Variants in NRXN1 observed in about 807,000 individuals in gnomAD.
NRXN1 encodes neurexin 1.
NRXN1 carries 39 observed loss-of-function variants against 150.9 expected under a neutral mutation model. The ratio of observed to expected loss-of-function variants is 0.26; its 90% CI spans 0.20 to 0.34. NRXN1 has a LOEUF of 0.34. Among genes scored for constraint, NRXN1 ranks in the 10% least tolerant of loss-of-function variants. NRXN1 has a pLI of 1.00. For missense variants in NRXN1, 1,815 were observed against 1,949.9 expected (o/e 0.93, Z 1.30); for synonymous variants, 924 against 757.0 (o/e 1.22, Z -3.62).
At chr2:49,952,808 G>T (rs1363279930) in intron 21 of NRXN1, among the ~76,000 whole-genome samples, 2 of 152,054 alleles carry the variant, frequency 1.3e-5, no homozygotes, top group Non-Finnish European at 2.9e-5. Flanking sequence ...CAATGTAAGT[G>T]CCAATGAGAT....
intron 17 of NRXN1, among the ~76,000 whole-genome samples, chr2:50,243,743 T>A (rs1476464830): frequency 1.3e-5 from 2 of 151,644 alleles, no homozygotes; most frequent in African/African-American, 4.8e-5. Context: ...CAGAGGAGGG[T>A]GAACCAGCTA....
At chr2:50,349,727 A>C (rs1158194524) in intron 17 of NRXN1, among the ~76,000 whole-genome samples, 1 of 152,182 alleles carries the variant, frequency 6.6e-6, no homozygotes, top group African/African-American at 2.4e-5. Context: ...AAATATGTCA[A>C]CTGCTCCCTG....
intron 17 of NRXN1, among the ~76,000 whole-genome samples, chr2:50,354,554 CATATAT>C (rs71404946): frequency 0.031 from 3,136 of 100,102 alleles, 152 homozygotes; most frequent in African/African-American, 0.11. Context: ...AGAGTGCATA[CATATAT>C]ATATATATAT....
intron 22 of NRXN1, among the ~76,000 whole-genome samples, chr2:49,939,523 C>T (rs147447558): frequency 6.6e-6 from 1 of 152,274 alleles, no homozygotes; most frequent in East Asian, 1.9e-4. Context: ...CTGTGCAGGA[C>T]AGTGTGGCTA....
At chr2:50,438,353 C>T (rs545528232) in intron 17 of NRXN1, among the ~76,000 whole-genome samples, 2 of 152,304 alleles carry the variant, frequency 1.3e-5, no homozygotes, top group South Asian at 2.1e-4. Context: ...CTGTAGACAG[C>T]CAAAGCAAAA....
chr2:50,977,703 T>C (rs865969457), intron 2 of NRXN1, among the ~76,000 whole-genome samples: 6 of 151,918 alleles, frequency 3.9e-5, no homozygotes, highest in African/African-American at 9.7e-5. Flanking sequence ...TTTATCTAAG[T>C]TACTTCAATC....
intron 18 of NRXN1, among the ~76,000 whole-genome samples, chr2:50,108,243 G>GCA (rs1358876818): frequency 6.6e-6 from 1 of 151,870 alleles, no homozygotes; most frequent in Admixed American, 6.6e-5. Context: ...ATTAAATGTA[G>GCA]CACACACACA....
At chr2:50,200,230 T>C (rs886122897) in intron 18 of NRXN1, among the ~76,000 whole-genome samples, 2 of 152,198 alleles carry the variant, frequency 1.3e-5, no homozygotes, top group African/African-American at 4.8e-5. Context: ...ATTTGCTGCC[T>C]ACTAGACTTA....
intron 2 of NRXN1, among the ~76,000 whole-genome samples, chr2:50,984,451 A>C (rs1255978999): frequency 6.6e-6 from 1 of 152,026 alleles, no homozygotes; most frequent in Non-Finnish European, 1.5e-5. Context: ...AAAGTTTGCC[A>C]ATCTCCATTT....
At chr2:50,147,301 G>T (rs532296415) in intron 18 of NRXN1, among the ~76,000 whole-genome samples, 1 of 151,748 alleles carries the variant, frequency 6.6e-6, no homozygotes, top group Admixed American at 6.6e-5. Flanking sequence ...ACCTAGGAGA[G>T]AAGGCATATG....
chr2:50,449,089 T>C (rs145227472), intron 17 of NRXN1, among the ~76,000 whole-genome samples: 1 of 152,306 alleles, frequency 6.6e-6, no homozygotes, highest in African/African-American at 2.4e-5. Context: ...ACTGGTGAAT[T>C]CAGACCTTTT....
intron 5 of NRXN1, among the ~76,000 whole-genome samples, chr2:50,628,234 A>G (rs979176060): frequency 1.3e-5 from 2 of 151,844 alleles, no homozygotes; most frequent in East Asian, 1.9e-4. Context: ...TATGTAATAA[A>G]CTTTGAAGTT....
chr2:50,693,590 T>G (rs953561187), intron 5 of NRXN1, among the ~76,000 whole-genome samples: 5 of 152,068 alleles, frequency 3.3e-5, no homozygotes, highest in African/African-American at 1.2e-4. Flanking sequence ...ATACGTTGAA[T>G]CAATGAACTC....
At chr2:50,427,281 A>G (rs1271907296) in intron 17 of NRXN1, among the ~76,000 whole-genome samples, 1 of 151,770 alleles carries the variant, frequency 6.6e-6, no homozygotes, top group Non-Finnish European at 1.5e-5. Flanking sequence ...ATTACTGGCT[A>G]TCTCTTTAGG....
At chr2:50,709,854 C>T (rs1174832025) in intron 5 of NRXN1, among the ~76,000 whole-genome samples, 1 of 152,166 alleles carries the variant, frequency 6.6e-6, no homozygotes, top group Non-Finnish European at 1.5e-5. Context: ...CATATCAGAA[C>T]ATTCCTCTAA....
intron 18 of NRXN1, among the ~76,000 whole-genome samples, chr2:50,209,153 C>T (rs982614444): frequency 1.3e-5 from 2 of 152,034 alleles, no homozygotes; most frequent in Non-Finnish European, 2.9e-5. Flanking sequence ...TAGCCTTCAC[C>T]CCTGGAGTAC....
chr2:50,110,447 G>A (rs147840635), intron 18 of NRXN1, among the ~76,000 whole-genome samples: 2,980 of 144,178 alleles, frequency 0.021, 117 homozygotes, highest in African/African-American at 0.074. Context: ...AGCTGAGATC[G>A]CGCCACCGCA....
intron 5 of NRXN1, among the ~76,000 whole-genome samples, chr2:50,690,084 A>T (rs1184619544): frequency 6.6e-6 from 1 of 152,054 alleles, no homozygotes; most frequent in Non-Finnish European, 1.5e-5. Flanking sequence ...AGAAAGTTTC[A>T]TCATGTTAGC....
Position 50,484,571 on chromosome 2 carries a change from C to A in NRXN1, c.3070+11334G>T, listed in dbSNP as rs2090727642. 2.0e-5 allele frequency among the ~76,000 whole-genome samples: 3 copies of A among 152,164 alleles called. No homozygotes were observed. The South Asian group carries it at 6.2e-4, about 31-fold the overall frequency. On this transcript the variant is annotated intron_variant, in intron 15 of 22. Transcript: ENST00000401669. Reference sequence around the variant, plus strand: ...AGCCGATGACTGATTGATAGGCCAACCCCCAATCACCCAACCAAGTACTAG... The same window carrying A: ...AGCCGATGACTGATTGATAGGCCAAACCCCAATCACCCAACCAAGTACTAG...
Sources: gnomAD v4.1 joint callset for allele counts (sites outside exome capture counted in the v4.1 genomes callset) on GRCh38, gnomAD v4.1.1 for gene constraint, MANE v1.5 for transcripts, NCBI Gene and HGNC (gene_info 2026-07-23, HGNC 2026-07-21) for gene names.